Variants in DCC observed in about 807,000 individuals in gnomAD.
The protein encoded by DCC is DCC netrin 1 receptor.
Under a neutral mutation model 172.5 loss-of-function variants are expected in DCC, and 58 were observed. The observed-to-expected ratio is 0.34, with a 90% CI of 0.27 to 0.42. The LOEUF (loss-of-function observed/expected upper bound fraction) is 0.42. Among genes scored for constraint, DCC ranks in the 10% least tolerant of loss-of-function variants. DCC has a pLI of 1.00. For synonymous variants in DCC, 709 were observed against 644.5 expected, an observed-to-expected ratio of 1.10 and a Z score of -1.52; for missense variants, 1,740 against 1,791.0, an observed-to-expected ratio of 0.97 and a Z score of 0.51.
At chr18:52,608,326 C>G (rs1204321478) in intron 1 of DCC, among the ~76,000 whole-genome samples, 3 of 152,156 alleles carry the variant, frequency 2.0e-5, no homozygotes, top group African/African-American at 7.2e-5. Flanking sequence ...AGCTTGAAAT[C>G]TTTACATATA....
chr18:53,254,176 T>C (rs776913570), intron 12 of DCC, among the ~76,000 whole-genome samples: 2 of 152,088 alleles, frequency 1.3e-5, no homozygotes, highest in African/African-American at 4.8e-5. Flanking sequence ...ATCCTCACTC[T>C]TAGCGTAAAT....
At chr18:53,056,889 A>G (rs1009051752) in intron 5 of DCC, among the ~76,000 whole-genome samples, 2 of 152,038 alleles carry the variant, frequency 1.3e-5, no homozygotes, top group Admixed American at 6.6e-5. Context: ...AACCAACTGC[A>G]TGGTTTTAAA....
chr18:52,369,348 C>G (rs1985016142), intron 1 of DCC, among the ~76,000 whole-genome samples: 1 of 151,946 alleles, frequency 6.6e-6, no homozygotes. Flanking sequence ...TTCTCCCCAC[C>G]TCAGGTCCTT....
chr18:53,106,709 G>T (rs1310139385), intron 7 of DCC, among the ~76,000 whole-genome samples: 2 of 151,886 alleles, frequency 1.3e-5, no homozygotes, highest in African/African-American at 4.8e-5. Context: ...GTGAAAGCAA[G>T]TTTATTGAGA....
intron 3 of DCC, among the ~76,000 whole-genome samples, chr18:52,913,884 T>C (rs2040004033): frequency 6.6e-6 from 1 of 152,102 alleles, no homozygotes; most frequent in South Asian, 2.1e-4. Context: ...TGAAAAGACC[T>C]GTAGAGCTTG....
chr18:53,386,263 C>G (rs1231337217), intron 16 of DCC, 125 bp downstream of exon 16: 2 of 709,696 alleles, frequency 2.8e-6, no homozygotes, highest in Non-Finnish European at 5.0e-6. Context: ...TGATAATCCT[C>G]AGAGAATAAT....
At chr18:52,848,437 G>C (rs1280990364) in intron 2 of DCC, among the ~76,000 whole-genome samples, 1 of 152,112 alleles carries the variant, frequency 6.6e-6, no homozygotes, top group African/African-American at 2.4e-5. Context: ...ATTAATTTAT[G>C]TCAGTAAGTA....
chr18:52,949,723 G>A (rs192531548), intron 5 of DCC, among the ~76,000 whole-genome samples: 26 of 152,218 alleles, frequency 1.7e-4, no homozygotes, highest in African/African-American at 6.3e-4. Context: ...AGGACAGACA[G>A]TGGCAACACT....
intron 5 of DCC, among the ~76,000 whole-genome samples, chr18:52,970,100 T>C (rs983173235): frequency 6.6e-6 from 1 of 152,160 alleles, no homozygotes; most frequent in Non-Finnish European, 1.5e-5. Context: ...AATATTTAGA[T>C]ACATATAAAT....
chr18:52,947,687 A>G (rs1010106708), intron 5 of DCC, among the ~76,000 whole-genome samples: 11 of 152,150 alleles, frequency 7.2e-5, no homozygotes, highest in Non-Finnish European at 1.5e-4. Context: ...CTCATGGGAT[A>G]TGTGTTGACT....
At chr18:53,452,779 T>C (rs2045430216) in intron 23 of DCC, among the ~76,000 whole-genome samples, 2 of 152,234 alleles carry the variant, frequency 1.3e-5, no homozygotes, top group African/African-American at 4.8e-5. Flanking sequence ...TTTCATATCT[T>C]TCTTCAGTAG....
chr18:52,742,708 C>A (rs10853622), intron 1 of DCC, among the ~76,000 whole-genome samples: 58,826 of 151,964 alleles, frequency 0.39, 11,825 homozygotes, highest in Middle Eastern at 0.46. Context: ...AAAGTGCTAC[C>A]ATAAATGTGC....
At chr18:53,506,106 T>TTGAA (rs1240469345) in intron 27 of DCC, among the ~76,000 whole-genome samples, 2 of 152,120 alleles carry the variant, frequency 1.3e-5, no homozygotes, top group Non-Finnish European at 2.9e-5. Flanking sequence ...TTTAGAGAGG[T>TTGAA]TGAATACCTT....
At chr18:52,716,121 T>G (rs1242858131) in intron 1 of DCC, among the ~76,000 whole-genome samples, 1 of 152,212 alleles carries the variant, frequency 6.6e-6, no homozygotes, top group Admixed American at 6.5e-5. Flanking sequence ...TTCTGACTCA[T>G]TCCTCTGCAG....
chr18:52,497,259 T>C (rs200014279), intron 1 of DCC, among the ~76,000 whole-genome samples: 5,497 of 12,784 alleles, frequency 0.43, 258 homozygotes, highest in Non-Finnish European at 0.48. Flanking sequence ...AGACCCTGTA[T>C]CAAAAAAAAA....
chr18:52,418,334 A>G (rs73459044), intron 1 of DCC, among the ~76,000 whole-genome samples: 12,301 of 152,186 alleles, frequency 0.081, 715 homozygotes, highest in African/African-American at 0.16. Context: ...CATGAAATGA[A>G]TAGATAAACT....
intron 1 of DCC, among the ~76,000 whole-genome samples, chr18:52,590,911 G>T (rs1389624269): frequency 6.6e-6 from 1 of 152,108 alleles, no homozygotes; most frequent in Non-Finnish European, 1.5e-5. Context: ...TAGAGTAATG[G>T]ATTACACACT....
intron 1 of DCC, among the ~76,000 whole-genome samples, chr18:52,747,687 T>C (rs2036927352): frequency 6.6e-6 from 1 of 152,220 alleles, no homozygotes; most frequent in East Asian, 1.9e-4. Context: ...GCGTAGTTGA[T>C]TTAAGATTAA....
chr18:52,718,960 T>C (rs2036431936), intron 1 of DCC, among the ~76,000 whole-genome samples: 1 of 152,138 alleles, frequency 6.6e-6, no homozygotes, highest in South Asian at 2.1e-4. Flanking sequence ...AGACCTCAAG[T>C]GTGAAATCAA....
Sources: gnomAD v4.1 joint callset for allele counts (sites outside exome capture counted in the v4.1 genomes callset) on GRCh38, gnomAD v4.1.1 for gene constraint, MANE v1.5 for transcripts, NCBI Gene and HGNC (gene_info 2026-07-23, HGNC 2026-07-21) for gene names.